Variants in ZFHX4 observed in about 807,000 individuals in gnomAD.
ZFHX4 encodes the protein zinc finger homeobox 4.
A neutral mutation model predicts 267.6 loss-of-function variants in ZFHX4; 56 were observed. That is an observed-to-expected ratio of 0.21 (90% CI 0.17 to 0.26). ZFHX4 has a LOEUF of 0.26. Ranked by LOEUF, ZFHX4 falls within the 10% of genes least tolerant of loss-of-function variation. The pLI, the probability that ZFHX4 is intolerant of heterozygous loss-of-function variation, is 1.00. For missense variants in ZFHX4, 4,332 were observed against 4,420.0 expected, an observed-to-expected ratio of 0.98 and a Z score of 0.56; for synonymous variants, 1,778 against 1,665.6, an observed-to-expected ratio of 1.07 and a Z score of -1.64.
At chr8:76,815,548 C>T (rs1811483496) in intron 4 of ZFHX4, among the ~76,000 whole-genome samples, 1 of 152,076 alleles carries the variant, frequency 6.6e-6, no homozygotes, top group African/African-American at 2.4e-5. Flanking sequence ...ATTGCCCAGG[C>T]TGGAGTGCAG....
intron 3 of ZFHX4, among the ~76,000 whole-genome samples, chr8:76,771,958 A>G (rs972962800): frequency 6.6e-6 from 1 of 152,136 alleles, no homozygotes; most frequent in African/African-American, 2.4e-5. Flanking sequence ...TACCTGAAAG[A>G]CCTGAGGAAG....
At chr8:76,735,280 G>A (rs999784947) in intron 3 of ZFHX4, among the ~76,000 whole-genome samples, 8 of 152,018 alleles carry the variant, frequency 5.3e-5, no homozygotes, top group African/African-American at 1.9e-4. Flanking sequence ...TGTGAGTTGA[G>A]TTTATTTTGC....
intron 3 of ZFHX4, among the ~76,000 whole-genome samples, chr8:76,748,088 C>T (rs1045104147): frequency 4.6e-5 from 7 of 152,168 alleles, no homozygotes; most frequent in Admixed American, 1.3e-4. Flanking sequence ...CTTAACTACT[C>T]GTATGATGTT....
chr8:76,811,202 A>C (rs1811369235), intron 4 of ZFHX4, among the ~76,000 whole-genome samples: 1 of 152,192 alleles, frequency 6.6e-6, no homozygotes. Context: ...AGAGCCCCAC[A>C]TGACAGTTTT....
chr8:76,860,008 G>A (rs886791425), intron 10 of ZFHX4, among the ~76,000 whole-genome samples: 2 of 152,040 alleles, frequency 1.3e-5, no homozygotes, highest in Admixed American at 1.3e-4. Context: ...TGCAGTAGGA[G>A]TTGGGAAATG....
In ZFHX4 at chr8:76,855,069, C is replaced by T. The variant is rs759491057; in HGVS notation, c.8148C>T (p.Ser2716=). The T allele has an allele frequency of 5.6e-6, 9 of 1,613,746 alleles. No individual in the cohort carries two copies. The East Asian group carries it at 1.6e-4, about 28-fold the overall frequency. Residue 2716 remains serine (S), a synonymous_variant, in exon 10 of 11, where the codon TCC becomes TCT. Transcript: ENST00000651372. ...GYSLPPSPLI[S]TEDGGESPQK... is the part of the protein sequence containing the mutation. ...GCTTGCCACCAAGCCCTTTAATATC[C>T]ACCGAAGATGGGGGAGAAAGCCCAC...
rs765847490 is a variant in ZFHX4, at chr8:76,852,992, C to T, written c.6071C>T (p.Pro2024Leu). ...CCTCCACAGCCTTCTTCTATGGGTCCTGTAAAGATCCCCAACACGGTTTCT... is the reference window on the plus strand; with the variant it reads ...CCTCCACAGCCTTCTTCTATGGGTCTTGTAAAGATCCCCAACACGGTTTCT... ...PAPPQPSSMG[P>L]VKIPNTVSTP... Residue 2024 changes from proline (P) to leucine (L), a missense_variant, in exon 10 of 11, where the codon CCT becomes CTT. Physicochemically the swap from Pro to Leu is moderately conservative, Grantham distance 98. This residue lies in a region of ZFHX4 where 1,371 missense variants were observed against 1,423.1 expected (regional missense o/e 0.96). Transcript: ENST00000651372. 1 of 1,542,562 alleles carries T rather than the reference C, an allele frequency of 6.5e-7. No homozygotes were observed. The highest frequency in any genetic ancestry group is 1.2e-5 in the South Asian group (1 of 84,116).
chr8:76,851,097 T>C lies in ZFHX4; in HGVS notation c.4176T>C (p.Arg1392=). The C allele has an allele frequency of 6.2e-7, 1 of 1,614,002 alleles. No homozygotes were observed. The highest frequency in any genetic ancestry group is 1.1e-5 in the South Asian group (1 of 91,090). Reference sequence around the variant, plus strand: ...GGCAACCGCTCTCTGTTTCTGACCGTCATGTCTACAAGTATCGCTGTAACC... The same window carrying C: ...GGCAACCGCTCTCTGTTTCTGACCGCCATGTCTACAAGTATCGCTGTAACC... ...QKRQPLSVSD[R]HVYKYRCNHC... Residue 1392 remains arginine, a synonymous_variant, in exon 10 of 11, where the codon CGT becomes CGC. Transcript: ENST00000651372.
At chr8:76,711,500 G>T (rs1412812620) in intron 3 of ZFHX4, among the ~76,000 whole-genome samples, 2 of 152,068 alleles carry the variant, frequency 1.3e-5, no homozygotes, top group Non-Finnish European at 2.9e-5. Context: ...GTATAAAACA[G>T]CAGTTTTTCA....
rs1362495102 is a variant in ZFHX4 at position 76,850,257 on chromosome 8, G to A, written c.3859G>A (p.Asp1287Asn). The A allele has an allele frequency of 6.2e-7, 1 of 1,612,506 alleles. No individual in the cohort carries two copies. Among genetic ancestry groups the A allele is most frequent in the African/African-American group, 1.3e-5 (1 of 75,010 alleles). Residue 1287 changes from aspartate to asparagine, a missense_variant, in exon 9 of 11, where the codon GAT (aspartate) becomes AAT (asparagine). Asp to Asn is a conservative substitution (Grantham distance 23). Around this residue, in one of 7 missense-constraint regions of ZFHX4, gnomAD observed 1,371 missense variants for 1,423.1 expected, o/e 0.96. Coordinates refer to ENST00000651372, the MANE Select transcript of ZFHX4 (RefSeq NM_024721.5). Reference protein sequence around the residue: ...EKLLMTVPVPDVMMPNSMLLP... With the variant: ...EKLLMTVPVPNVMMPNSMLLP... ...TTGGTTTCCAAAGGTGCCTGTCCCT[G>A]ATGTGATGATGCCAAACAGTATGCT...
intron 4 of ZFHX4, among the ~76,000 whole-genome samples, chr8:76,802,124 T>C (rs759057043): frequency 3.3e-5 from 5 of 152,136 alleles, no homozygotes; most frequent in East Asian, 1.9e-4. Context: ...CATTGTGAAA[T>C]TGAAACCTGT....
In ZFHX4 at chr8:76,706,202, A is replaced by G. The variant is rs1217767635; in HGVS notation, c.2114A>G (p.Asn705Ser). ...AAACCCTTCCGTTGTGAGGTTTGTA[A>G]CTACTCTACCACTACCAAAGGCAAC... The part of the protein sequence containing the change: ...GYKPFRCEVC[N>S]YSTTTKGNLS... The change falls in exon 2 of 11, where the codon AAC (asparagine) becomes AGC (serine). Residue 705 changes from asparagine to serine, a missense_variant. Physicochemically the swap from Asn to Ser is conservative, Grantham distance 46. Coordinates refer to ENST00000651372, the MANE Select transcript of ZFHX4 (RefSeq NM_024721.5). 13 of 1,613,898 alleles carry G rather than the reference A, an allele frequency of 8.1e-6. No individual in the cohort carries two copies. The highest frequency in any genetic ancestry group is 1.1e-5 in the Non-Finnish European group (13 of 1,180,000).
At chr8:76,727,182 A>G (rs1418103527) in intron 3 of ZFHX4, among the ~76,000 whole-genome samples, 1 of 152,144 alleles carries the variant, frequency 6.6e-6, no homozygotes, top group East Asian at 1.9e-4. Flanking sequence ...AGTGACAGGC[A>G]GGGCAAGAGG....
chr8:76,688,325 A>T (rs1807743146), intron 1 of ZFHX4, among the ~76,000 whole-genome samples: 1 of 152,148 alleles, frequency 6.6e-6, no homozygotes, highest in African/African-American at 2.4e-5. Flanking sequence ...CACTTGGGAA[A>T]GAGTTGTGTA....
intron 3 of ZFHX4, among the ~76,000 whole-genome samples, chr8:76,776,788 G>A (rs1314096384): frequency 6.6e-6 from 1 of 152,008 alleles, no homozygotes; most frequent in African/African-American, 2.4e-5. Context: ...CACTTCATTT[G>A]ATTTTTTAAA....
In ZFHX4 at chr8:76,704,463, A is replaced by T; in HGVS notation, c.375A>T (p.Glu125Asp). ...GCGAGTTAGAGGACAGTGACGTGGA[A>T]AATCTAACAGGGGAGATCGTTTACC... ...EISELEDSDV[E>D]NLTGEIVYQP... Residue 125 changes from glutamate to aspartate, a missense_variant, in exon 2 of 11, where the codon GAA (glutamate) becomes GAT (aspartate). By Grantham distance (45) the Glu-to-Asp change is conservative. Transcript: ENST00000651372. 1 of 1,614,010 alleles carries T rather than the reference A, an allele frequency of 6.2e-7. No homozygotes were observed. Among genetic ancestry groups the T allele is most frequent in the Non-Finnish European group, 8.5e-7 (1 of 1,179,898 alleles).
chr8:76,765,361 A>T (rs1810024827), intron 3 of ZFHX4, among the ~76,000 whole-genome samples: 2 of 152,188 alleles, frequency 1.3e-5, no homozygotes, highest in South Asian at 2.1e-4. Flanking sequence ...TATTGATTAT[A>T]TAAAATTTTA....
At chr8:76,726,902 C>T (rs370298415) in intron 3 of ZFHX4, among the ~76,000 whole-genome samples, 5 of 152,280 alleles carry the variant, frequency 3.3e-5, no homozygotes, top group African/African-American at 1.2e-4. Flanking sequence ...AAATTTCACT[C>T]AACAGCATTC....
intron 5 of ZFHX4, among the ~76,000 whole-genome samples, chr8:76,836,104 G>C (rs902821372): frequency 6.6e-6 from 1 of 152,132 alleles, no homozygotes; most frequent in Non-Finnish European, 1.5e-5. Flanking sequence ...ATGTGCCAGA[G>C]ACTGGGGAGC....
Sources: gnomAD v4.1 joint callset for allele counts (sites outside exome capture counted in the v4.1 genomes callset) on GRCh38, gnomAD v4.1.1 for gene constraint, gnomAD v4.1.1 regional missense constraint, MANE v1.5 for transcripts, NCBI Gene and HGNC (gene_info 2026-07-23, HGNC 2026-07-21) for gene names.